GFRAL: variants seen among roughly 807,000 people sequenced by gnomAD.
GFRAL encodes the protein GDNF family receptor alpha like.
Under a neutral mutation model 45.4 loss-of-function variants are expected in GFRAL, and 36 were observed. The observed-to-expected ratio is 0.79, with a 90% CI of 0.61 to 1.05. GFRAL has a LOEUF of 1.05. Ranked by LOEUF, GFRAL falls within the 50% of genes least tolerant of loss-of-function variation. The pLI is 0.00. For synonymous variants in GFRAL, 166 were observed against 154.1 expected (o/e 1.08, Z -0.57); for missense variants, 507 against 467.5 (o/e 1.08, Z -0.78).
chr6:55,376,091 C>A (rs770379484), intron 6 of GFRAL, among the ~76,000 whole-genome samples: 7 of 152,038 alleles, frequency 4.6e-5, no homozygotes, highest in Non-Finnish European at 7.4e-5. Context: ...TTATCAAAGG[C>A]CTTTTCTGCA....
intron 3 of GFRAL, among the ~76,000 whole-genome samples, chr6:55,349,768 T>G (rs983656116): frequency 3.3e-5 from 5 of 151,646 alleles, no homozygotes; most frequent in African/African-American, 9.7e-5. Context: ...CTTCTGTTTT[T>G]TTTTTTTTTT....
intron 6 of GFRAL, among the ~76,000 whole-genome samples, chr6:55,388,391 T>C (rs76351097): frequency 0.064 from 9,755 of 152,236 alleles, 505 homozygotes; most frequent in African/African-American, 0.14. Flanking sequence ...CTGCTGTGCG[T>C]CACTGGTGTC....
chr6:55,363,804 A>T (rs1253922977), intron 6 of GFRAL, among the ~76,000 whole-genome samples: 2 of 151,584 alleles, frequency 1.3e-5, no homozygotes, highest in Non-Finnish European at 2.9e-5. Context: ...TCCATGGTGC[A>T]TATGTGCCAC....
chr6:55,373,236 C>T (rs941006373), intron 6 of GFRAL, among the ~76,000 whole-genome samples: 2 of 152,096 alleles, frequency 1.3e-5, no homozygotes, highest in Non-Finnish European at 2.9e-5. Flanking sequence ...TGAAGAACCA[C>T]CTTCTGTGGC....
rs559270520 is a variant in GFRAL, at chr6:55,359,436, A to G, written c.952+298A>G. On this transcript the variant is annotated intron_variant, in intron 6 of 8. Coordinates refer to ENST00000340465, the MANE Select transcript of GFRAL (RefSeq NM_207410.2). ...ATTCTATCAGATAAATGGATATATC[A>G]AGTATCAATTGCTGCATAACAAACC... Among the ~76,000 whole-genome samples the G allele has an allele frequency of 2.3e-3, 357 of 152,160 alleles. No individual in the cohort carries two copies. In the Middle Eastern group the frequency reaches 0.024, roughly 10 times the overall value.
intron 1 of GFRAL, among the ~76,000 whole-genome samples, chr6:55,328,850 A>T (rs1000974953): frequency 6.6e-6 from 1 of 152,072 alleles, no homozygotes; most frequent in African/African-American, 2.4e-5. Flanking sequence ...GATATGTTGT[A>T]CCAACATTTC....
rs552505058 is a variant in GFRAL at position 55,394,644 on chromosome 6, A to G, written c.953-4536A>G. 5.3e-5 allele frequency among the ~76,000 whole-genome samples: 8 copies of G among 152,274 alleles called. No individual in the cohort carries two copies. The South Asian group carries it at 1.7e-3, about 32-fold the overall frequency. Reference sequence around the variant, plus strand: ...TGTCATATTGACAGTTTAATGCAGTAGTGTGGGATCTTTTCAAGATGGCTT... The same window carrying G: ...TGTCATATTGACAGTTTAATGCAGTGGTGTGGGATCTTTTCAAGATGGCTT... On this transcript the variant is annotated intron_variant, in intron 6 of 8. Transcript: ENST00000340465.
intron 3 of GFRAL, 86 bp from the exon 4 acceptor site, chr6:55,350,006 T>C: frequency 1.3e-6 from 1 of 774,392 alleles, no homozygotes; most frequent in African/African-American, 1.7e-5. Flanking sequence ...ATGTGGACTT[T>C]ACTCATTTAT....
intron 5 of GFRAL, among the ~76,000 whole-genome samples, chr6:55,356,449 A>G (rs1236658796): frequency 6.6e-6 from 1 of 151,906 alleles, no homozygotes; most frequent in Non-Finnish European, 1.5e-5. Flanking sequence ...GGTTGTGTCT[A>G]CAAATTTATT....
At chr6:55,399,601 G>A (rs1025072451) in intron 8 of GFRAL, among the ~76,000 whole-genome samples, 160 bp downstream of exon 8, 2 of 152,140 alleles carry the variant, frequency 1.3e-5, no homozygotes, top group Non-Finnish European at 2.9e-5. Context: ...CCATGGAAAC[G>A]TTACTTTCAG....
At chr6:55,346,886 C>A (rs1768050968) in intron 3 of GFRAL, among the ~76,000 whole-genome samples, 2 of 134,728 alleles carry the variant, frequency 1.5e-5, no homozygotes, top group African/African-American at 2.7e-5. Flanking sequence ...AAAATATCAC[C>A]AAAAGAAATT....
rs554874449 is a variant in GFRAL, at chr6:55,340,533, T to C, written c.316+6589T>C. Among the ~76,000 whole-genome samples the C allele has an allele frequency of 5.9e-5, 9 of 151,982 alleles. No individual in the cohort carries two copies. The East Asian group carries it at 1.7e-3, about 29-fold the overall frequency. On this transcript the variant is annotated intron_variant, in intron 3 of 8. Coordinates refer to ENST00000340465, the MANE Select transcript of GFRAL (RefSeq NM_207410.2). ...ATCAAATGAAATGAGCAAACAAAAG[T>C]GGTTGGCAGCAGTTCCAAGATGGCA...
chr6:55,330,637 A>G (rs1026748649), intron 1 of GFRAL, among the ~76,000 whole-genome samples: 11 of 152,184 alleles, frequency 7.2e-5, no homozygotes, highest in African/African-American at 2.4e-4. Flanking sequence ...GACAGCATGG[A>G]TCATTCGGGA....
chr6:55,374,391 T>G (rs1377822143), intron 6 of GFRAL, among the ~76,000 whole-genome samples: 1 of 152,100 alleles, frequency 6.6e-6, no homozygotes, highest in Non-Finnish European at 1.5e-5. Flanking sequence ...GATGTTAAGC[T>G]TTTTTTCATA....
chr6:55,328,360 T>C (rs1175818737), intron 1 of GFRAL, among the ~76,000 whole-genome samples: 2 of 152,018 alleles, frequency 1.3e-5, no homozygotes, highest in East Asian at 3.9e-4. Flanking sequence ...AATATGGCAT[T>C]TTATGTTTAA....
chr6:55,345,300 A>C (rs1768023937), intron 3 of GFRAL, among the ~76,000 whole-genome samples: 1 of 152,222 alleles, frequency 6.6e-6, no homozygotes, highest in Non-Finnish European at 1.5e-5. Context: ...ACTATACTAC[A>C]AGGCAGTAGT....
At chr6:55,338,250 T>G (rs1316309043) in intron 3 of GFRAL, among the ~76,000 whole-genome samples, 2 of 151,992 alleles carry the variant, frequency 1.3e-5, no homozygotes, top group Non-Finnish European at 2.9e-5. Flanking sequence ...CCACCACACC[T>G]GGCTGATTTT....
intron 2 of GFRAL, among the ~76,000 whole-genome samples, chr6:55,333,502 G>A (rs1296355266): frequency 1.3e-5 from 2 of 152,128 alleles, no homozygotes; most frequent in African/African-American, 2.4e-5. Context: ...CCTCCTGTAA[G>A]AGTAGCCTTA....
chr6:55,352,243 A>G (rs1768127676), intron 5 of GFRAL, among the ~76,000 whole-genome samples: 1 of 152,112 alleles, frequency 6.6e-6, no homozygotes. Flanking sequence ...ATCAGTCAAT[A>G]TTGCAAACCA....
Sources: allele counts gnomAD v4.1 joint callset (sites outside exome capture counted in the v4.1 genomes callset), GRCh38; gene constraint gnomAD v4.1.1; transcripts MANE v1.5; gene names NCBI Gene and HGNC (gene_info 2026-07-23, HGNC 2026-07-21).